Variants in AGPAT4 observed in about 807,000 individuals in gnomAD.
AGPAT4 encodes 1-acylglycerol-3-phosphate O-acyltransferase 4, also known as 1-acyl-sn-glycerol-3-phosphate acyltransferase delta.
A neutral mutation model predicts 48.0 loss-of-function variants in AGPAT4; 15 were observed. The observed-to-expected ratio is 0.31, with a 90% CI of 0.21 to 0.48. The LOEUF (loss-of-function observed/expected upper bound fraction) is 0.48. Among genes scored for constraint, AGPAT4 ranks in the 20% least tolerant of loss-of-function variants. The pLI is 0.99. For synonymous variants in AGPAT4, 178 were observed against 198.7 expected (o/e 0.90, Z 0.88); for missense variants, 314 against 482.5 (o/e 0.65, Z 3.27).
chr6:161,167,531 C>G (rs966940736), intron 2 of AGPAT4, among the ~76,000 whole-genome samples: 11 of 152,156 alleles, frequency 7.2e-5, no homozygotes, highest in African/African-American at 2.7e-4. Flanking sequence ...GCCATGTGCC[C>G]CCCATTTTTA....
intron 1 of AGPAT4, among the ~76,000 whole-genome samples, chr6:161,248,370 C>CAG (rs1782718907): frequency 6.6e-6 from 1 of 151,930 alleles, no homozygotes; most frequent in South Asian, 2.1e-4. Context: ...GTCAGGAGAT[C>CAG]GAGACCATAC....
At chr6:161,153,607 A>T (rs1373483154) in intron 4 of AGPAT4, 108 bp from the exon 5 acceptor site, 35 of 1,331,934 alleles carry the variant, frequency 2.6e-5, no homozygotes, top group Admixed American at 1.9e-4. Flanking sequence ...ATATGGCCAC[A>T]CGATCACACA....
rs749854878 is a variant in AGPAT4 at position 161,266,622 on chromosome 6, C to T, written c.-90+7316G>A. On this transcript the variant is annotated intron_variant, in intron 1 of 8. Transcript: ENST00000320285. The surrounding 1 kb of genome is among the most constrained non-coding windows in gnomAD (Gnocchi z 6.2). Reference sequence around the variant, plus strand: ...TATGCAGGCTACCCACACAAAAGGCCGAAGAATCTGCTCACCATCCGCCTT... The same window carrying T: ...TATGCAGGCTACCCACACAAAAGGCTGAAGAATCTGCTCACCATCCGCCTT... Among the ~76,000 whole-genome samples, 9 of 152,062 alleles carry T rather than the reference C, an allele frequency of 5.9e-5. No individual in the cohort carries two copies. Among genetic ancestry groups the T allele is most frequent in the South Asian group, 2.1e-4 (1 of 4,828 alleles).
chr6:161,165,945 C>T lies in AGPAT4; in HGVS notation c.348+303G>A, dbSNP rs568030413. ...GAGCCGAATATTAAGCTCTATATAA[C>T]TTAGTTTTTAAAAAATGGAGTGTGG... On this transcript the variant is annotated intron_variant, in intron 3 of 8. Coordinates refer to ENST00000320285, the MANE Select transcript of AGPAT4 (RefSeq NM_020133.3). The surrounding 1 kb of genome is among the most constrained non-coding windows in gnomAD (Gnocchi z 5.5). The T allele has an allele frequency of 1.7e-6, 1 of 601,798 alleles. No individual in the cohort carries two copies. Among genetic ancestry groups the T allele is most frequent in the Non-Finnish European group, 2.9e-6 (1 of 339,136 alleles). 37.3% of individuals were successfully genotyped at this position (601,798 alleles called of 1,614,324 possible).
chr6:161,201,603 T>G lies in AGPAT4; in HGVS notation c.178+30433A>C, dbSNP rs1457408454. Among the ~76,000 whole-genome samples, 1 of 152,236 alleles carries G rather than the reference T, an allele frequency of 6.6e-6. No homozygotes were observed. The highest frequency in any genetic ancestry group is 1.5e-5 in the Non-Finnish European group (1 of 68,042). On this transcript the variant is annotated intron_variant, in intron 2 of 8. Transcript: ENST00000320285. The surrounding 1 kb of genome is among the most constrained non-coding windows in gnomAD (Gnocchi z 6.0). ...CAGCAGGGCTTCTCAAACTCTAATG[T>G]GCATTTGCATCATTGCAACTTGTTA...
chr6:161,225,642 G>A lies in AGPAT4; in HGVS notation c.178+6394C>T, dbSNP rs983643977. Among the ~76,000 whole-genome samples, 2 of 152,194 alleles carry A rather than the reference G, an allele frequency of 1.3e-5. No homozygotes were observed. The highest frequency in any genetic ancestry group is 6.5e-5 in the Admixed American group (1 of 15,284). On this transcript the variant is annotated intron_variant, in intron 2 of 8. Transcript: ENST00000320285. The surrounding 1 kb of genome is among the most constrained non-coding windows in gnomAD (Gnocchi z 5.0). ...CTAGCCCATCACTGGTGGAAGCAGA[G>A]GGATCTCGTGATGTGGAGCCGTCAG...
At chr6:161,263,016 A>G (rs1783147973) in intron 1 of AGPAT4, among the ~76,000 whole-genome samples, 7 of 152,108 alleles carry the variant, frequency 4.6e-5, no homozygotes, top group Admixed American at 3.9e-4. Flanking sequence ...GGCAGAAGAG[A>G]CAGACCCAAG....
Position 161,201,696 on chromosome 6 carries a change from G to T in AGPAT4, c.178+30340C>A, listed in dbSNP as rs1781244235. 6.6e-6 allele frequency among the ~76,000 whole-genome samples: 1 copy of T among 152,206 alleles called. No individual in the cohort carries two copies. The highest frequency in any genetic ancestry group is 6.5e-5 in the Admixed American group (1 of 15,282). On this transcript the variant is annotated intron_variant, in intron 2 of 8. Coordinates refer to ENST00000320285, the MANE Select transcript of AGPAT4 (RefSeq NM_020133.3). The surrounding 1 kb of genome is among the most constrained non-coding windows in gnomAD (Gnocchi z 6.0). ...CCACTTGTAGCAATTCCAGGGTGAT[G>T]CTGAGGCTGACTTCAAAAGATAGGG...
At chr6:161,181,026 C>A (rs756549193) in intron 2 of AGPAT4, among the ~76,000 whole-genome samples, 8 of 152,158 alleles carry the variant, frequency 5.3e-5, no homozygotes, top group Non-Finnish European at 1.2e-4. Context: ...GGCACCCTCT[C>A]CAGTCATCAC....
intron 2 of AGPAT4, among the ~76,000 whole-genome samples, chr6:161,203,276 C>A (rs1781283610): frequency 6.6e-6 from 1 of 152,048 alleles, no homozygotes; most frequent in Admixed American, 6.6e-5. Context: ...AGCCAGCACC[C>A]AGCATAATGC....
At position 161,236,624 on chromosome 6, in the gene AGPAT4, C is replaced by G. The variant is rs190502294; in HGVS notation, c.-89-4322G>C. Among the ~76,000 whole-genome samples, 16 of 152,150 alleles carry G rather than the reference C, an allele frequency of 1.1e-4. No individual in the cohort carries two copies. The highest frequency in any genetic ancestry group is 1.6e-4 in the Non-Finnish European group (11 of 68,004). ...TAAAGCAGTAAAAGGAAAGGGGAGG[C>G]CGGGAGCAGTGGCTCACACCTGTAA... On this transcript the variant is annotated intron_variant, in intron 1 of 8. Transcript: ENST00000320285. The surrounding 1 kb of genome is among the most constrained non-coding windows in gnomAD (Gnocchi z 5.0).
At chr6:161,145,359 T>C (rs1779388659) in intron 7 of AGPAT4, among the ~76,000 whole-genome samples, 1 of 151,606 alleles carries the variant, frequency 6.6e-6, no homozygotes, top group Non-Finnish European at 1.5e-5. Flanking sequence ...GTAATTTGTG[T>C]ATTTGTAAGG....
In AGPAT4 at chr6:161,205,761, T is replaced by C. The variant is rs73015490; in HGVS notation, c.178+26275A>G. On this transcript the variant is annotated intron_variant, in intron 2 of 8. Coordinates refer to ENST00000320285, the MANE Select transcript of AGPAT4 (RefSeq NM_020133.3). ...ACAATAATAATAATAATAATAATAA[T>C]AACAACAAACATGCCAACATAAAAC... Among the ~76,000 whole-genome samples, 1,322 of 149,114 alleles carry C rather than the reference T, an allele frequency of 8.9e-3. 19 individuals are homozygous for C. The highest frequency in any genetic ancestry group is 0.028 in the African/African-American group (1,122 of 40,264).
At chr6:161,151,220 G>C (rs2114963457) in intron 5 of AGPAT4, among the ~76,000 whole-genome samples, 1 of 152,298 alleles carries the variant, frequency 6.6e-6, no homozygotes, top group Admixed American at 6.5e-5. Flanking sequence ...TAACTTCTCT[G>C]AGCCCCAATG....
At position 161,131,671 on chromosome 6, in the gene AGPAT4, G is replaced by A. The variant is rs1167916171; in HGVS notation, c.*4869C>T. On this transcript the variant is annotated 3_prime_UTR_variant, in exon 9 of 9. Coordinates refer to ENST00000320285, the MANE Select transcript of AGPAT4 (RefSeq NM_020133.3). ...TCCAATGAGGAGACACACTATGTAG[G>A]TGCAATTTCTGATTTCTTAGTTTTT... The A allele has an allele frequency of 6.6e-6, 1 of 152,178 alleles. No individual in the cohort carries two copies. The highest frequency in any genetic ancestry group is 6.5e-5 in the Admixed American group (1 of 15,278). The allele number at this position is 152,178 out of a possible 1,614,324, so 9.4% of individuals were successfully genotyped here.
At position 161,219,905 on chromosome 6, in the gene AGPAT4, AGGCAGGCAGGC is replaced by A. The variant is rs1433320100; in HGVS notation, c.178+12120_178+12130del. On this transcript the variant is annotated intron_variant, in intron 2 of 8. Coordinates refer to ENST00000320285, the MANE Select transcript of AGPAT4 (RefSeq NM_020133.3). This position sits in a 1 kb window ranked among gnomAD's most constrained non-coding sequence, Gnocchi z 4.9. ...CAGGCAGGCAGGCAGGCAGGCAGGC[AGGCAGGCAGGC>A]GGCAGGCAGGCAGGCAGGCAGGCAG... Among the ~76,000 whole-genome samples, 73 of 134,094 alleles carry A rather than the reference AGGCAGGCAGGC, an allele frequency of 5.4e-4. No individual in the cohort carries two copies. Among genetic ancestry groups the A allele is most frequent in the African/African-American group, 2.1e-3 (66 of 32,094 alleles). The allele number at this position is 134,094 out of a possible 152,430, so 88.0% of individuals were successfully genotyped here. A position where few individuals can be genotyped will look rare whatever the true frequency, so the allele number is the denominator to read the frequency against.
chr6:161,271,584 T>A lies in AGPAT4; in HGVS notation c.-90+2354A>T, dbSNP rs539391594. Among the ~76,000 whole-genome samples the A allele has an allele frequency of 5.9e-5, 9 of 152,364 alleles. No individual in the cohort carries two copies. In the South Asian group the frequency reaches 1.9e-3, roughly 32 times the overall value. ...CTTCCATGGGACCCTACGTTTACTT[T>A]ATACTCACAGCTCCACTTACCTTCC... is the stretch of plus-strand genomic sequence containing the variant. On this transcript the variant is annotated intron_variant, in intron 1 of 8. Transcript: ENST00000320285.
chr6:161,170,155 T>A (rs569646621), intron 2 of AGPAT4, among the ~76,000 whole-genome samples: 27 of 152,250 alleles, frequency 1.8e-4, no homozygotes, highest in South Asian at 1.2e-3. Context: ...AACATCTTGA[T>A]CTCTCCCAGT....
At position 161,235,736 on chromosome 6, in the gene AGPAT4, G is replaced by A. The variant is rs1481084281; in HGVS notation, c.-89-3434C>T. Among the ~76,000 whole-genome samples, 1 of 151,922 alleles carries A rather than the reference G, an allele frequency of 6.6e-6. No homozygotes were observed. The highest frequency in any genetic ancestry group is 1.9e-4 in the East Asian group (1 of 5,176). ...AAGAGCGAGAGAGAGAGAAGGGGGA[G>A]GTGCCACACACTTTTAAACAACCAA... On this transcript the variant is annotated intron_variant, in intron 1 of 8. Coordinates refer to ENST00000320285, the MANE Select transcript of AGPAT4 (RefSeq NM_020133.3). The surrounding 1 kb of genome is among the most constrained non-coding windows in gnomAD (Gnocchi z 6.2).
Sources: gnomAD v4.1 joint callset for allele counts (sites outside exome capture counted in the v4.1 genomes callset) on GRCh38, gnomAD v4.1.1 for gene constraint, Gnocchi (gnomAD v3.1) non-coding constraint, MANE v1.5 for transcripts, NCBI Gene and HGNC (gene_info 2026-07-23, HGNC 2026-07-21) for gene names.